Variants in ARHGEF3 observed in about 807,000 individuals in gnomAD.
ARHGEF3 encodes 59.8 kDA protein.
ARHGEF3 carries 28 observed loss-of-function variants against 63.2 expected under a neutral mutation model. The observed-to-expected ratio is 0.44, with a 90% CI of 0.33 to 0.61. ARHGEF3 has a LOEUF of 0.61. Among genes scored for constraint, ARHGEF3 ranks in the 20% least tolerant of loss-of-function variants. The pLI, the probability that ARHGEF3 is intolerant of heterozygous loss-of-function variation, is 0.03. For missense variants in ARHGEF3, 533 were observed against 659.3 expected, an observed-to-expected ratio of 0.81 and a Z score of 2.10; for synonymous variants, 266 against 254.2, an observed-to-expected ratio of 1.05 and a Z score of -0.44.
At chr3:56,964,066 C>T (rs1700388401) in intron 2 of ARHGEF3, among the ~76,000 whole-genome samples, 1 of 152,104 alleles carries the variant, frequency 6.6e-6, no homozygotes, top group Non-Finnish European at 1.5e-5. Flanking sequence ...AAAAGAATCA[C>T]AGAGGCTGCA....
At chr3:56,991,904 C>T (rs143993654) in intron 2 of ARHGEF3, among the ~76,000 whole-genome samples, 23 of 152,254 alleles carry the variant, frequency 1.5e-4, no homozygotes, top group Middle Eastern at 3.4e-3. Flanking sequence ...CATGAGCCAC[C>T]GCGCCCGGCC....
intron 1 of ARHGEF3, among the ~76,000 whole-genome samples, chr3:57,042,698 A>T (rs1293508213): frequency 0.62 from 25,086 of 40,478 alleles, 6,070 homozygotes; most frequent in African/African-American, 0.67. Flanking sequence ...ATATATATAT[A>T]TATTTTTTTT....
At chr3:57,062,732 C>T (rs1213509685) in intron 1 of ARHGEF3, among the ~76,000 whole-genome samples, 3 of 152,088 alleles carry the variant, frequency 2.0e-5, no homozygotes, top group Non-Finnish European at 4.4e-5. Context: ...CAAACATGCA[C>T]ACACACATAC....
chr3:56,785,142 A>G (rs773382834), intron 1 of ARHGEF3, among the ~76,000 whole-genome samples: 3 of 152,086 alleles, frequency 2.0e-5, no homozygotes, highest in Non-Finnish European at 4.4e-5. Flanking sequence ...ACCTGCCAGA[A>G]TCATACCAAT....
At chr3:56,798,482 GCTTCCTTAGCCA>G (rs2037476284) in intron 1 of ARHGEF3, among the ~76,000 whole-genome samples, 2 of 150,898 alleles carry the variant, frequency 1.3e-5, no homozygotes, top group African/African-American at 4.9e-5. Flanking sequence ...CAAGGCTCTA[GCTTCCTTAGCCA>G]ATGTGTGCAC....
At chr3:56,866,897 C>A (rs1272330666) in intron 4 of ARHGEF3, among the ~76,000 whole-genome samples, 3 of 152,166 alleles carry the variant, frequency 2.0e-5, no homozygotes, top group Non-Finnish European at 2.9e-5. Context: ...CTTTCCATAC[C>A]AACTGAGTTA....
intron 4 of ARHGEF3, among the ~76,000 whole-genome samples, chr3:56,814,978 A>T (rs913266180): frequency 2.0e-5 from 3 of 151,856 alleles, no homozygotes; most frequent in African/African-American, 7.3e-5. Context: ...TAATAATAAC[A>T]ATTATTATTA....
intron 4 of ARHGEF3, among the ~76,000 whole-genome samples, chr3:56,868,691 A>C (rs2040337723): frequency 6.6e-6 from 1 of 152,196 alleles, no homozygotes; most frequent in African/African-American, 2.4e-5. Flanking sequence ...AGAGAGAAAA[A>C]TATTACCAGA....
At chr3:56,985,991 C>T (rs1017531662) in intron 2 of ARHGEF3, among the ~76,000 whole-genome samples, 39 of 152,300 alleles carry the variant, frequency 2.6e-4, no homozygotes, top group African/African-American at 8.7e-4. Flanking sequence ...TCTCAAAGAG[C>T]CAGGCCTCAG....
chr3:56,990,321 C>T (rs4077863), intron 2 of ARHGEF3, among the ~76,000 whole-genome samples: 88,525 of 152,118 alleles, frequency 0.58, 26,142 homozygotes, highest in Middle Eastern at 0.67. Flanking sequence ...CCATGGCTCA[C>T]GCCTGTAATC....
At chr3:56,999,985 C>G (rs906221137) in intron 2 of ARHGEF3, among the ~76,000 whole-genome samples, 1 of 152,138 alleles carries the variant, frequency 6.6e-6, no homozygotes, top group Non-Finnish European at 1.5e-5. Context: ...CTATCATATA[C>G]TAGCTGTGTG....
At chr3:56,842,755 G>T (rs1039382) in intron 4 of ARHGEF3, among the ~76,000 whole-genome samples, 2,291 of 152,278 alleles carry the variant, frequency 0.015, 148 homozygotes, top group Admixed American at 0.13. Context: ...TCCCTAGGGT[G>T]GTCATAGCTG....
chr3:56,887,355 T>C (rs1249767621), intron 3 of ARHGEF3, among the ~76,000 whole-genome samples: 1 of 152,328 alleles, frequency 6.6e-6, no homozygotes, highest in Middle Eastern at 3.4e-3. Context: ...CTGCTTCTCC[T>C]GCCTTGGGAG....
intron 1 of ARHGEF3, chr3:57,078,874 G>A (rs551849628): frequency 4.8e-6 from 1 of 207,594 alleles, no homozygotes; most frequent in East Asian, 9.6e-5. Flanking sequence ...AGTGGCTCCG[G>A]GAATTTTCGC....
intron 1 of ARHGEF3, chr3:57,078,992 C>T (rs1253343027): frequency 3.0e-6 from 1 of 336,856 alleles, no homozygotes; most frequent in Non-Finnish European, 5.4e-6. Context: ...CGCCCCCGTG[C>T]GCTGGGCATA....
In ARHGEF3 at chr3:56,751,390, G is replaced by A. The variant is rs749703450; in HGVS notation, c.445C>T (p.His149Tyr). The change falls in exon 5 of 10, where the codon CAT becomes TAT. Residue 149 changes from histidine (H) to tyrosine (Y), a missense_variant. This residue lies in a region of ARHGEF3 where 107 missense variants were observed against 207.9 expected (regional missense o/e 0.51). Coordinates refer to ENST00000296315, the MANE Select transcript of ARHGEF3 (RefSeq NM_019555.3). Reference protein sequence around the residue: ...EDLKLAKKAYHDPMLKLSIMT... With the variant: ...EDLKLAKKAYYDPMLKLSIMT... Reference sequence around the variant, plus strand: ...ATGGAGAGTTTCAGCATGGGGTCATGATAGGCCTGCACAAAAACGGCAAGA... The same window carrying A: ...ATGGAGAGTTTCAGCATGGGGTCATAATAGGCCTGCACAAAAACGGCAAGA... 37 of 1,613,620 alleles carry A rather than the reference G, an allele frequency of 2.3e-5. No homozygotes were observed. Among genetic ancestry groups the A allele is most frequent in the Non-Finnish European group, 3.1e-5 (36 of 1,179,682 alleles).
At chr3:56,773,670 T>C (rs373978086) in intron 2 of ARHGEF3, 39 bp downstream of exon 2, 3 of 1,506,512 alleles carry the variant, frequency 2.0e-6, no homozygotes, top group East Asian at 2.4e-5. Context: ...CCGTACACCA[T>C]GATTTTCTGC....
chr3:56,786,295 C>T (rs1411577814), intron 1 of ARHGEF3, among the ~76,000 whole-genome samples: 1 of 152,102 alleles, frequency 6.6e-6, no homozygotes, highest in Non-Finnish European at 1.5e-5. Flanking sequence ...GACATCTTAC[C>T]ACTCACTGAG....
intron 4 of ARHGEF3, among the ~76,000 whole-genome samples, chr3:56,877,376 CTTTTT>C (rs755860299): frequency 7.3e-6 from 1 of 136,960 alleles, no homozygotes; most frequent in African/African-American, 2.7e-5. Context: ...TACTATAATC[CTTTTT>C]TTTTTTTTTT....
Sources: allele counts gnomAD v4.1 joint callset (sites outside exome capture counted in the v4.1 genomes callset), GRCh38; gene constraint gnomAD v4.1.1; regional missense constraint gnomAD v4.1.1; transcripts MANE v1.5; gene names NCBI Gene and HGNC (gene_info 2026-07-23, HGNC 2026-07-21).